Variants in IPO11 observed in about 807,000 individuals in gnomAD.
The protein encoded by IPO11 is importin 11.
IPO11 carries 66 observed loss-of-function variants against 143.2 expected under a neutral mutation model. That is an observed-to-expected ratio of 0.46 (90% confidence interval 0.38 to 0.57). The LOEUF is 0.57. Ranked by LOEUF, IPO11 falls within the 20% of genes least tolerant of loss-of-function variation. The probability of loss-of-function intolerance (pLI) is 0.00; values close to 1 mark genes in which losing one functional copy is unlikely to be tolerated. For missense variants in IPO11, 1,026 were observed against 1,141.0 expected (o/e 0.90, Z 1.45); for synonymous variants, 385 against 377.8 (o/e 1.02, Z -0.22).
chr5:62,490,650 CT>C (rs1323031694), intron 15 of IPO11, among the ~76,000 whole-genome samples: 3 of 152,064 alleles, frequency 2.0e-5, no homozygotes, highest in Admixed American at 6.6e-5. Flanking sequence ...TTTGAATACC[CT>C]TTCTAAGTTC....
chr5:62,561,341 T>C lies in IPO11; in HGVS notation c.2582+84T>C, dbSNP rs774835949. 77 of 553,396 alleles carry C rather than the reference T, an allele frequency of 1.4e-4. 14 individuals carry two copies. The highest frequency in any genetic ancestry group is 2.0e-4 in the Non-Finnish European group (75 of 373,732). The allele number at this position is 553,396 out of a possible 1,614,324, so 34.3% of individuals were successfully genotyped here. On this transcript the variant is annotated intron_variant, in intron 27 of 29. Coordinates refer to ENST00000325324, the MANE Select transcript of IPO11 (RefSeq NM_016338.5). ...TTTGGCCATCAGTATTGCTGTGTGT[T>C]GCTGGGCAGTGGTACTTTTATATAT... is the stretch of plus-strand genomic sequence containing the variant.
At chr5:62,602,137 G>C (rs1277769516) in intron 29 of IPO11, among the ~76,000 whole-genome samples, 1 of 152,252 alleles carries the variant, frequency 6.6e-6, no homozygotes, top group African/African-American at 2.4e-5. Flanking sequence ...TATTTAAGTT[G>C]AAATGTTTAT....
chr5:62,545,357 C>T (rs909578774), intron 24 of IPO11, among the ~76,000 whole-genome samples: 6 of 152,100 alleles, frequency 3.9e-5, no homozygotes, highest in Non-Finnish European at 5.9e-5. Context: ...GAAAGGATTC[C>T]GTATTTAATA....
At position 62,596,918 on chromosome 5, in the gene IPO11, GACTAAT is replaced by G. The variant is rs1479803667; in HGVS notation, c.2679-4844_2679-4839del. 3.3e-5 allele frequency among the ~76,000 whole-genome samples: 5 copies of G among 152,124 alleles called. No individual in the cohort carries two copies. The East Asian group carries it at 7.7e-4, about 23-fold the overall frequency. On this transcript the variant is annotated intron_variant, in intron 28 of 29. Transcript: ENST00000325324. ...CAAACATGCCATACACTTATGGCTT[GACTAAT>G]AATATTTCTGCTCCTTGGTGTGTCA...
At chr5:62,421,342 C>A (rs1354508168) in intron 1 of IPO11, among the ~76,000 whole-genome samples, 1 of 152,146 alleles carries the variant, frequency 6.6e-6, no homozygotes, top group Non-Finnish European at 1.5e-5. Context: ...TTCAATGACT[C>A]CATCAATTTC....
At chr5:62,605,425 A>G (rs1246441718) in intron 29 of IPO11, among the ~76,000 whole-genome samples, 1 of 152,186 alleles carries the variant, frequency 6.6e-6, no homozygotes, top group Non-Finnish European at 1.5e-5. Context: ...CTCCCTTTTC[A>G]TTCAGCCTCT....
At chr5:62,616,429 T>C (rs1746135764) in intron 29 of IPO11, among the ~76,000 whole-genome samples, 2 of 152,058 alleles carry the variant, frequency 1.3e-5, no homozygotes, top group South Asian at 2.1e-4. Flanking sequence ...ATACATCTGA[T>C]CTGTGATAAA....
intron 27 of IPO11, chr5:62,580,922 A>T (rs1191468450): frequency 7.7e-6 from 12 of 1,551,328 alleles, no homozygotes; most frequent in Non-Finnish European, 1.0e-5. Context: ...GTTACCTTGA[A>T]CTTGGAAAAA....
At chr5:62,451,609 C>A in intron 4 of IPO11, 121 bp from the exon 5 acceptor site, 1 of 782,566 alleles carries the variant, frequency 1.3e-6, no homozygotes, top group Non-Finnish European at 2.1e-6. Context: ...ACTGTTTAAG[C>A]AGTCATTCAG....
rs779083923 is a variant in IPO11 at position 62,476,784 on chromosome 5, T to C, written c.828+31T>C. ...TTTTTTAAAAACTTGTTTTCTCAAA[T>C]ATAATACACATATTCAGATTTACAA... On this transcript the variant is annotated intron_variant, in intron 9 of 29. Coordinates refer to ENST00000325324, the MANE Select transcript of IPO11 (RefSeq NM_016338.5). The C allele has an allele frequency of 2.7e-6, 4 of 1,468,962 alleles. No homozygotes were observed. In the South Asian group the frequency reaches 5.4e-5, roughly 20 times the overall value. The allele number at this position is 1,468,962 out of a possible 1,614,324, so 91.0% of individuals were successfully genotyped here. A position where few individuals can be genotyped will look rare whatever the true frequency, so the allele number is the denominator to read the frequency against.
intron 20 of IPO11, among the ~76,000 whole-genome samples, chr5:62,516,813 C>G (rs185216613): frequency 1.1e-4 from 16 of 151,998 alleles, no homozygotes; most frequent in African/African-American, 3.9e-4. Context: ...ACTGTCACTA[C>G]CATCCATCTC....
intron 28 of IPO11, among the ~76,000 whole-genome samples, chr5:62,598,799 A>T (rs1745390398): frequency 6.6e-6 from 1 of 150,410 alleles, no homozygotes; most frequent in Non-Finnish European, 1.5e-5. Flanking sequence ...CTTGCCACAG[A>T]CTCCCAAAGT....
In IPO11 at chr5:62,451,642, A is replaced by G. The variant is rs1009208909; in HGVS notation, c.313-88A>G. The stretch of plus-strand genomic sequence containing the variant: ...CAGTGAAATCGTATTCATTTTTGTC[A>G]AGTGTATAATTAACAAGGTGATTTG... On this transcript the variant is annotated intron_variant, in intron 4 of 29. Coordinates refer to ENST00000325324, the MANE Select transcript of IPO11 (RefSeq NM_016338.5). The G allele has an allele frequency of 4.4e-5, 43 of 976,722 alleles. No homozygotes were observed. In the Middle Eastern group the frequency reaches 6.4e-4, roughly 15 times the overall value. 60.5% of individuals were successfully genotyped at this position (976,722 alleles called of 1,614,324 possible).
chr5:62,437,953 CTAAT>C (rs1744301411), intron 2 of IPO11, among the ~76,000 whole-genome samples: 2 of 152,132 alleles, frequency 1.3e-5, no homozygotes, highest in Admixed American at 6.5e-5. Flanking sequence ...AAGTTTTTGA[CTAAT>C]TAATCAAAAT....
intron 1 of IPO11, among the ~76,000 whole-genome samples, chr5:62,428,784 T>C (rs960137160): frequency 6.6e-6 from 1 of 152,062 alleles, no homozygotes; most frequent in Non-Finnish European, 1.5e-5. Flanking sequence ...GCCTCCTGAG[T>C]AGCTAGCTGG....
chr5:62,567,165 A>T (rs554245287), intron 27 of IPO11, among the ~76,000 whole-genome samples: 3 of 152,250 alleles, frequency 2.0e-5, no homozygotes, highest in South Asian at 4.1e-4. Context: ...TCTCTCCTGC[A>T]TGTTTGAAGT....
At chr5:62,479,900 C>T (rs931544121) in intron 9 of IPO11, among the ~76,000 whole-genome samples, 1 of 152,144 alleles carries the variant, frequency 6.6e-6, no homozygotes, top group Admixed American at 6.5e-5. Context: ...CCTATTCACT[C>T]TCATGGTAGT....
chr5:62,454,639 A>G (rs747521744), intron 5 of IPO11, among the ~76,000 whole-genome samples: 3 of 152,128 alleles, frequency 2.0e-5, no homozygotes, highest in Admixed American at 2.0e-4. Context: ...GTTCTTCTCC[A>G]TATAGAAAGA....
chr5:62,506,075 G>A (rs1002388235), intron 18 of IPO11, among the ~76,000 whole-genome samples, 166 bp from the exon 19 acceptor site: 4 of 152,076 alleles, frequency 2.6e-5, no homozygotes, highest in Non-Finnish European at 4.4e-5. Context: ...AATATGTACC[G>A]GCAGCTTGAA....
Sources: allele counts gnomAD v4.1 joint callset (sites outside exome capture counted in the v4.1 genomes callset), GRCh38; gene constraint gnomAD v4.1.1; transcripts MANE v1.5; gene names NCBI Gene and HGNC (gene_info 2026-07-23, HGNC 2026-07-21).